Variants in PPFIA1 observed in about 807,000 individuals in gnomAD.
PPFIA1 encodes PPFI scaffold protein A1.
In PPFIA1, 25 loss-of-function variants were observed where a neutral mutation model predicts 149.9. The observed-to-expected ratio is 0.17, with a 90% confidence interval of 0.12 to 0.23. The LOEUF is 0.23. Among genes scored for constraint, PPFIA1 ranks in the 10% least tolerant of loss-of-function variants. The pLI, the probability that PPFIA1 is intolerant of heterozygous loss-of-function variation, is 1.00. For missense variants in PPFIA1, 1,362 were observed against 1,506.5 expected, an observed-to-expected ratio of 0.90 and a Z score of 1.59; for synonymous variants, 549 against 552.8, an observed-to-expected ratio of 0.99 and a Z score of 0.10.
intron 2 of PPFIA1, among the ~76,000 whole-genome samples, chr11:70,317,413 G>T (rs757432957): frequency 1.3e-5 from 2 of 152,030 alleles, no homozygotes; most frequent in Non-Finnish European, 2.9e-5. Context: ...CAGAGAGAAA[G>T]GTTTTTTTCT....
intron 19 of PPFIA1, 34 bp from the exon 20 acceptor site, chr11:70,362,061 G>A (rs2056683275): frequency 1.3e-6 from 2 of 1,599,238 alleles, no homozygotes; most frequent in Non-Finnish European, 8.6e-7. Flanking sequence ...ATGCCTGGCT[G>A]ATTCTTTAAT....
At chr11:70,369,036 C>G (rs2057099662) in intron 21 of PPFIA1, among the ~76,000 whole-genome samples, 2 of 151,822 alleles carry the variant, frequency 1.3e-5, no homozygotes, top group Non-Finnish European at 2.9e-5. Context: ...GTGACCCGCC[C>G]ACCTCTGCCT....
chr11:70,372,375 T>C lies in PPFIA1; in HGVS notation c.3026T>C (p.Val1009Ala). The part of the protein sequence containing the change: ...KKDLRGQLKM[V>A]DSFHRNSFQC... The stretch of plus-strand genomic sequence containing the variant: ...GACCTTCGAGGGCAGCTGAAAATGG[T>C]CGACAGTTTTCACAGGTAACTTAAT... Residue 1009 changes from valine (V) to alanine (A), a missense_variant, in exon 22 of 28, where the codon GTC becomes GCC. Around this residue, in one of 7 missense-constraint regions of PPFIA1, gnomAD observed 349 missense variants for 373.3 expected, o/e 0.93. Transcript: ENST00000253925. The C allele has an allele frequency of 6.2e-7, 1 of 1,614,166 alleles. No homozygotes were observed. The highest frequency in any genetic ancestry group is 8.5e-7 in the Non-Finnish European group (1 of 1,180,016).
At chr11:70,349,468 TC>T (rs569645356) in intron 16 of PPFIA1, among the ~76,000 whole-genome samples, 166 of 152,110 alleles carry the variant, frequency 1.1e-3, no homozygotes, top group African/African-American at 3.9e-3. Flanking sequence ...CCCATCTTTA[TC>T]TAAAAAAAAA....
In PPFIA1 at chr11:70,380,366, G is replaced by A. The variant is rs1478890113; in HGVS notation, c.3551-1722G>A. 4.7e-5 allele frequency among the ~76,000 whole-genome samples: 7 copies of A among 150,416 alleles called. No individual in the cohort carries two copies. The East Asian group carries it at 1.4e-3, about 29-fold the overall frequency. Reference sequence around the variant, plus strand: ...GAGGATCACGAGGTCAGGAGATCAAGACCATCCTGGCTAACACGGTGAAAC... The same window carrying A: ...GAGGATCACGAGGTCAGGAGATCAAAACCATCCTGGCTAACACGGTGAAAC... On this transcript the variant is annotated intron_variant, in intron 26 of 27. Coordinates refer to ENST00000253925, the MANE Select transcript of PPFIA1 (RefSeq NM_003626.5).
chr11:70,276,070 G>A (rs1287511538), intron 2 of PPFIA1, among the ~76,000 whole-genome samples: 1 of 152,132 alleles, frequency 6.6e-6, no homozygotes, highest in Non-Finnish European at 1.5e-5. Flanking sequence ...TTTTGAGACA[G>A]TCATGTGATT....
chr11:70,359,214 A>G (rs983532060), intron 19 of PPFIA1, among the ~76,000 whole-genome samples: 1 of 152,184 alleles, frequency 6.6e-6, no homozygotes, highest in Non-Finnish European at 1.5e-5. Flanking sequence ...AGGTCTCAAT[A>G]TGTTGACCAG....
At chr11:70,280,216 G>GTATATA (rs113468773) in intron 2 of PPFIA1, among the ~76,000 whole-genome samples, 2 of 143,250 alleles carry the variant, frequency 1.4e-5, no homozygotes, top group African/African-American at 5.2e-5. Context: ...ATATATGTGT[G>GTATATA]TATATATATA....
chr11:70,282,931 C>T (rs2050866804), intron 2 of PPFIA1, among the ~76,000 whole-genome samples: 1 of 151,060 alleles, frequency 6.6e-6, no homozygotes, highest in Non-Finnish European at 1.5e-5. Flanking sequence ...CCTCCATGTC[C>T]CAGGTTCAAG....
chr11:70,362,122 A>C lies in PPFIA1; in HGVS notation c.2610A>C (p.Arg870Ser). 6.2e-7 allele frequency: 1 copy of C among 1,614,160 alleles called. No individual in the cohort carries two copies. The highest frequency in any genetic ancestry group is 1.3e-5 in the African/African-American group (1 of 75,030). The part of the protein sequence containing the change: ...KKHELLEEAR[R>S]QGLPFAQWDG... The stretch of plus-strand genomic sequence containing the variant: ...ATGAATTGCTGGAGGAAGCCCGGAG[A>C]CAAGGTTTACCTTTTGCCCAATGGG... Residue 870 changes from arginine (R) to serine (S), a missense_variant, in exon 20 of 28, where the codon AGA (arginine) becomes AGC (serine). Around this residue, in one of 7 missense-constraint regions of PPFIA1, gnomAD observed 91 missense variants for 91.2 expected, o/e 1.00. Coordinates refer to ENST00000253925, the MANE Select transcript of PPFIA1 (RefSeq NM_003626.5).
chr11:70,277,310 C>G (rs1020306189), intron 2 of PPFIA1, among the ~76,000 whole-genome samples: 16 of 151,858 alleles, frequency 1.1e-4, no homozygotes, highest in African/African-American at 3.9e-4. Context: ...CCACTACACG[C>G]TTTTAGCTGC....
intron 2 of PPFIA1, among the ~76,000 whole-genome samples, chr11:70,301,716 G>A (rs563901442): frequency 1.3e-5 from 2 of 152,292 alleles, no homozygotes; most frequent in East Asian, 3.9e-4. Context: ...TAGAACCACA[G>A]AGAGGAAATT....
At chr11:70,344,076 G>T (rs2055524709) in intron 15 of PPFIA1, among the ~76,000 whole-genome samples, 184 bp downstream of exon 15, 1 of 152,200 alleles carries the variant, frequency 6.6e-6, no homozygotes, top group South Asian at 2.1e-4. Flanking sequence ...TAAAATTCAG[G>T]TAACCAGGGC....
intron 15 of PPFIA1, among the ~76,000 whole-genome samples, chr11:70,346,162 G>A (rs549650095): frequency 2.0e-5 from 3 of 152,332 alleles, no homozygotes; most frequent in African/African-American, 4.8e-5. Context: ...CCCTGCCCAC[G>A]CTGGCTTGGC....
chr11:70,370,589 G>A (rs2057183341), intron 21 of PPFIA1, among the ~76,000 whole-genome samples: 1 of 151,944 alleles, frequency 6.6e-6, no homozygotes, highest in African/African-American at 2.4e-5. Flanking sequence ...ATTTCACTAT[G>A]TTGGCGAGGC....
At chr11:70,321,668 A>G (rs1329368509) in intron 2 of PPFIA1, among the ~76,000 whole-genome samples, 1 of 152,226 alleles carries the variant, frequency 6.6e-6, no homozygotes, top group Non-Finnish European at 1.5e-5. Context: ...AATGAAAAGG[A>G]TATTAGCCAG....
chr11:70,272,358 C>T lies in PPFIA1; in HGVS notation c.186C>T (p.Ala62=), dbSNP rs1169859180. The T allele has an allele frequency of 5.0e-6, 8 of 1,614,210 alleles. No homozygotes were observed. Among genetic ancestry groups the T allele is most frequent in the Admixed American group, 3.3e-5 (2 of 60,030 alleles). ...TGAGAGAGACTCAAGAAACGCTGGC[C>T]TTAACCCAGGGGAAGTTACACGAGG... is the stretch of plus-strand genomic sequence containing the variant. ...DTLRETQETL[A]LTQGKLHEVG... is the part of the protein sequence containing the mutation. The change falls in exon 2 of 28, where the codon GCC becomes GCT. Residue 62 remains alanine, a synonymous_variant. Coordinates refer to ENST00000253925, the MANE Select transcript of PPFIA1 (RefSeq NM_003626.5).
Position 70,335,701 on chromosome 11 carries a change from T to G in PPFIA1, c.1428+7T>G. ...GGCTGCTTTGGAAGATAAGGTAAGT[T>G]AGATAACACGGACATGCTGGAGCTT... On this transcript the variant is annotated splice_region_variant and intron_variant, in intron 11 of 27. Coordinates refer to ENST00000253925, the MANE Select transcript of PPFIA1 (RefSeq NM_003626.5). 6.2e-7 allele frequency: 1 copy of G among 1,613,612 alleles called. No individual in the cohort carries two copies. The highest frequency in any genetic ancestry group is 1.3e-5 in the African/African-American group (1 of 75,016).
chr11:70,295,646 C>CT (rs2051911306), intron 2 of PPFIA1, among the ~76,000 whole-genome samples: 1 of 142,622 alleles, frequency 7.0e-6, no homozygotes, highest in African/African-American at 2.7e-5. Context: ...GGCAGAGGTG[C>CT]CCCTCACCTC....
Sources: allele counts gnomAD v4.1 joint callset (sites outside exome capture counted in the v4.1 genomes callset), GRCh38; gene constraint gnomAD v4.1.1; regional missense constraint gnomAD v4.1.1; transcripts MANE v1.5; gene names NCBI Gene and HGNC (gene_info 2026-07-23, HGNC 2026-07-21).